HSD17B13: variants seen among roughly 807,000 people sequenced by gnomAD.
HSD17B13 encodes the protein hydroxysteroid 17-beta dehydrogenase 13.
Under a neutral mutation model 31.1 loss-of-function variants are expected in HSD17B13, and 26 were observed. That is an observed-to-expected ratio of 0.84 (90% CI 0.61 to 1.16). The LOEUF is 1.16. Among genes scored for constraint, HSD17B13 ranks in the 50% most tolerant of loss-of-function variants. HSD17B13 has a pLI of 0.00. For missense variants in HSD17B13, 374 were observed against 366.5 expected, an observed-to-expected ratio of 1.02 and a Z score of -0.17; for synonymous variants, 141 against 133.7, an observed-to-expected ratio of 1.05 and a Z score of -0.38.
Position 87,319,185 on chromosome 4 carries a change from A to G in HSD17B13, c.211-749T>C, listed in dbSNP as rs530387056. 4.6e-5 allele frequency among the ~76,000 whole-genome samples: 7 copies of G among 152,360 alleles called. No homozygotes were observed. The South Asian group carries it at 1.0e-3, about 23-fold the overall frequency. ...TGACAGAGTGGGACTTCGTCTCAAA[A>G]TAAAATAAAAATTGGCCTCCTTATT... On this transcript the variant is annotated intron_variant, in intron 1 of 6. Transcript: ENST00000328546.
In HSD17B13 at chr4:87,310,339, G is replaced by A. The variant is rs111403391; in HGVS notation, c.716C>T (p.Thr239Ile). The A allele has an allele frequency of 2.2e-3, 3,398 of 1,561,420 alleles. 69 individuals carry two copies. In the African/African-American group the frequency reaches 0.043, roughly 20 times the overall value. ...TATCAGACTTCTTACGACTTCATCT[G>A]TCTCCAATACAGGCCATAATCTGTG... ...PSTRLWPVLE[T>I]DEVVRSLIDG... Residue 239 changes from threonine (T) to isoleucine (I), a missense_variant, in exon 6 of 7, where the codon ACA (threonine) becomes ATA (isoleucine). Thr to Ile is a moderately conservative substitution (Grantham distance 89, BLOSUM62 -1). Coordinates refer to ENST00000328546, the MANE Select transcript of HSD17B13 (RefSeq NM_178135.5).
intron 6 of HSD17B13, among the ~76,000 whole-genome samples, chr4:87,306,237 T>G (rs1322206421): frequency 6.6e-6 from 1 of 152,188 alleles, no homozygotes; most frequent in African/African-American, 2.4e-5. Flanking sequence ...TCTTATCTGA[T>G]ATGAGTAAAG....
rs746060912 is a variant in HSD17B13 at position 87,310,261 on chromosome 4, A to G, written c.794T>C (p.Ile265Thr). Residue 265 changes from isoleucine (I) to threonine (T), a missense_variant, in exon 6 of 7, where the codon ATC (isoleucine) becomes ACC (threonine). Physicochemically the swap from Ile to Thr is moderately conservative, Grantham distance 89. Transcript: ENST00000328546. Reference sequence around the variant, plus strand: ...TACTTACTTCTGTAGTCTCAGAAAGATATTGATATACGATGGAACAAAAAT... The same window carrying G: ...TACTTACTTCTGTAGTCTCAGAAAGGTATTGATATACGATGGAACAAAAAT... ...KMIFVPSYIN[I>T]FLRLQKFLPE... 1.3e-6 allele frequency: 2 copies of G among 1,572,498 alleles called. No individual in the cohort carries two copies. Among genetic ancestry groups the G allele is most frequent in the South Asian group, 1.2e-5 (1 of 83,634 alleles).
intron 5 of HSD17B13, among the ~76,000 whole-genome samples, chr4:87,312,584 C>T (rs1426188686): frequency 1.1e-4 from 13 of 115,520 alleles, no homozygotes; most frequent in Admixed American, 2.5e-4. Context: ...GGCTGGAGTG[C>T]AGTGGCGCGA....
chr4:87,305,161 G>T lies in HSD17B13; in HGVS notation c.*57C>A. ...ATGTGAAATAAAGCTTTGCAGCATT[G>T]ATTCGAAACTATTCATATCATTATC... On this transcript the variant is annotated 3_prime_UTR_variant, in exon 7 of 7. Coordinates refer to ENST00000328546, the MANE Select transcript of HSD17B13 (RefSeq NM_178135.5). 3 of 1,122,896 alleles carry T rather than the reference G, an allele frequency of 2.7e-6. No individual in the cohort carries two copies. Among genetic ancestry groups the T allele is most frequent in the Non-Finnish European group, 1.3e-6 (1 of 780,190 alleles). 69.6% of individuals were successfully genotyped at this position (1,122,896 alleles called of 1,614,324 possible). A position where few individuals can be genotyped will look rare whatever the true frequency, so the allele number is the denominator to read the frequency against.
At chr4:87,305,332 T>G in intron 6 of HSD17B13, 24 bp from the exon 7 acceptor site, 8 of 1,482,782 alleles carry the variant, frequency 5.4e-6, no homozygotes, top group Non-Finnish European at 7.3e-6. Context: ...AAAAAAAAAT[T>G]GAAAAATTTT....
At chr4:87,313,998 A>G in intron 4 of HSD17B13, 38 bp from the exon 5 acceptor site, 4 of 1,446,498 alleles carry the variant, frequency 2.8e-6, no homozygotes, top group Non-Finnish European at 3.7e-6. Context: ...GCTAAGGGAG[A>G]GTGAAACCAA....
chr4:87,317,312 T>C, intron 2 of HSD17B13, 89 bp from the exon 3 acceptor site: 3 of 1,303,744 alleles, frequency 2.3e-6, no homozygotes, highest in Non-Finnish European at 3.2e-6. Context: ...AGAGTCTTTC[T>C]TCTATTGTAT....
chr4:87,317,571 T>TC (rs1734683542), intron 2 of HSD17B13, among the ~76,000 whole-genome samples: 3 of 122,152 alleles, frequency 2.5e-5, no homozygotes, highest in Admixed American at 7.7e-5. Flanking sequence ...AACTTTTTTT[T>TC]TTTTTTTTTT....
In HSD17B13 at chr4:87,305,302, A is replaced by G; in HGVS notation, c.819T>C (p.Leu273=). ...INIFLRLQKF[L]PERASAILNR... is the part of the protein sequence containing the mutation. ...TTAAAATCGCTGAGGCGCGTTCAGG[A>G]AGAAACCTGTACAAAAAAGAAAAAA... The change falls in exon 7 of 7, where the codon CTT becomes CTC. Residue 273 remains leucine (L), a synonymous_variant. Transcript: ENST00000328546. 6.3e-7 allele frequency: 1 copy of G among 1,594,574 alleles called. No individual in the cohort carries two copies. Among genetic ancestry groups the G allele is most frequent in the Non-Finnish European group, 8.5e-7 (1 of 1,174,150 alleles).
At chr4:87,314,294 T>C (rs777566237) in intron 4 of HSD17B13, among the ~76,000 whole-genome samples, 2 of 152,124 alleles carry the variant, frequency 1.3e-5, no homozygotes, top group South Asian at 2.1e-4. Context: ...GCTGCTTTTA[T>C]TTTGAAAAAT....
intron 1 of HSD17B13, among the ~76,000 whole-genome samples, chr4:87,321,185 G>A (rs1051154021): frequency 2.6e-5 from 4 of 151,830 alleles, no homozygotes; most frequent in South Asian, 2.1e-4. Context: ...GTGCACCCCC[G>A]CACCCAGCTA....
At chr4:87,320,553 AT>A (rs796915832) in intron 1 of HSD17B13, among the ~76,000 whole-genome samples, 4 of 151,618 alleles carry the variant, frequency 2.6e-5, no homozygotes, top group African/African-American at 9.7e-5. Context: ...CGCCTGGCTA[AT>A]TTTTTTGTAT....
Position 87,317,181 on chromosome 4 carries a change from C to A in HSD17B13, c.361G>T (p.Ala121Ser). The change falls in exon 3 of 7, where the codon GCT becomes TCT. Residue 121 changes from alanine to serine, a missense_variant. Coordinates refer to ENST00000328546, the MANE Select transcript of HSD17B13 (RefSeq NM_178135.5). Reference protein sequence around the residue: ...VGDVTIVVNNAGTVYPADLLS... With the variant: ...VGDVTIVVNNSGTVYPADLLS... ...AGATCGGCTGGATATACTGTCCCAG[C>A]ATTATTCACCACGATTGTTACATCA... 2 of 1,614,028 alleles carry A rather than the reference C, an allele frequency of 1.2e-6. No individual in the cohort carries two copies. Among genetic ancestry groups the A allele is most frequent in the African/African-American group, 1.3e-5 (1 of 75,052 alleles).
Position 87,318,374 on chromosome 4 carries a change from C to A in HSD17B13, c.273G>T (p.Val91=). The change falls in exon 2 of 7, where the codon GTG becomes GTT. Residue 91 remains valine (V), a synonymous_variant. Coordinates refer to ENST00000328546, the MANE Select transcript of HSD17B13 (RefSeq NM_178135.5). ...RKLGVTAHAY[V]VDCSNREEIY... is the part of the protein sequence containing the mutation. ...TCTCTTCTCTGTTGCTGCAGTCTACCACATACGCATGCGCAGTGACGCCTA... is the reference window on the plus strand; with the variant it reads ...TCTCTTCTCTGTTGCTGCAGTCTACAACATACGCATGCGCAGTGACGCCTA... The A allele has an allele frequency of 6.2e-7, 1 of 1,614,176 alleles. No individual in the cohort carries two copies. Among genetic ancestry groups the A allele is most frequent in the Non-Finnish European group, 8.5e-7 (1 of 1,180,006 alleles).
chr4:87,312,147 G>A (rs924424865), intron 5 of HSD17B13, among the ~76,000 whole-genome samples: 2 of 152,062 alleles, frequency 1.3e-5, no homozygotes, highest in Admixed American at 6.5e-5. Context: ...CATGGTACAC[G>A]AAGCCTGAAT....
At chr4:87,316,953 A>T in intron 3 of HSD17B13, 139 bp downstream of exon 3, 2 of 824,422 alleles carry the variant, frequency 2.4e-6, no homozygotes, top group Non-Finnish European at 3.9e-6. Context: ...TGGCTCTTCT[A>T]CTCAAACAAA....
At chr4:87,313,991 A>C (rs1244969025) in intron 4 of HSD17B13, 31 bp from the exon 5 acceptor site, 1 of 1,472,068 alleles carries the variant, frequency 6.8e-7, no homozygotes, top group African/African-American at 1.4e-5. Context: ...ATTGTTAGCT[A>C]AGGGAGAGTG....
intron 1 of HSD17B13, among the ~76,000 whole-genome samples, chr4:87,320,323 G>C (rs1176057185): frequency 1.3e-5 from 2 of 151,554 alleles, no homozygotes; most frequent in Admixed American, 1.3e-4. Flanking sequence ...GGTCAGTAGA[G>C]AGCATAAGTT....
Sources: allele counts gnomAD v4.1 joint callset (sites outside exome capture counted in the v4.1 genomes callset), GRCh38; gene constraint gnomAD v4.1.1; transcripts MANE v1.5; gene names NCBI Gene and HGNC (gene_info 2026-07-23, HGNC 2026-07-21).